Variants in OTUD7A observed in about 807,000 individuals in gnomAD.
OTUD7A encodes the protein OTU domain-containing protein 7A.
Under a neutral mutation model 65.7 loss-of-function variants are expected in OTUD7A, and 12 were observed. The ratio of observed to expected loss-of-function variants is 0.18; its 90% CI spans 0.12 to 0.30. OTUD7A has a LOEUF of 0.30. Among genes scored for constraint, OTUD7A ranks in the 10% least tolerant of loss-of-function variants. The probability of loss-of-function intolerance (pLI) is 1.00; values close to 1 mark genes in which losing one functional copy is unlikely to be tolerated. For synonymous variants in OTUD7A, 641 were observed against 586.3 expected (o/e 1.09, Z -1.35); for missense variants, 1,148 against 1,304.8 (o/e 0.88, Z 1.85).
chr15:31,802,381 C>A (rs34549533), intron 1 of OTUD7A, among the ~76,000 whole-genome samples: 90,121 of 151,692 alleles, frequency 0.59, 26,963 homozygotes, highest in East Asian at 0.69. Context: ...TCTAGCCACA[C>A]TGGCAGCTGA....
In OTUD7A at chr15:31,483,118, G is replaced by A. The variant is rs2041156470; in HGVS notation, c.*176C>T. On this transcript the variant is annotated 3_prime_UTR_variant, in exon 13 of 13. Coordinates refer to ENST00000307050, the MANE Select transcript of OTUD7A (RefSeq NM_001382637.1). ...CTTGTTTCCTATCCGTCTACTACCT[G>A]AGTGGCGTCAGTGTAGGTTCAGGCA... 1 of 476,202 alleles carries A rather than the reference G, an allele frequency of 2.1e-6. No individual in the cohort carries two copies. Among genetic ancestry groups the A allele is most frequent in the African/African-American group, 2.1e-5 (1 of 47,584 alleles). 29.5% of individuals were successfully genotyped at this position (476,202 alleles called of 1,614,324 possible). A position where few individuals can be genotyped will look rare whatever the true frequency, so the allele number is the denominator to read the frequency against.
chr15:31,683,700 C>T (rs2654121), intron 1 of OTUD7A, among the ~76,000 whole-genome samples: 8,800 of 151,784 alleles, frequency 0.058, 874 homozygotes, highest in African/African-American at 0.2. Context: ...ATTATTGTGG[C>T]CATTATTTAT....
intron 3 of OTUD7A, among the ~76,000 whole-genome samples, chr15:31,600,998 C>A (rs546185778): frequency 4.6e-5 from 7 of 152,296 alleles, no homozygotes; most frequent in Non-Finnish European, 8.8e-5. Flanking sequence ...CAGACTCCCA[C>A]ACAATAACAG....
At chr15:31,854,531 C>A (rs535092925) in intron 1 of OTUD7A, among the ~76,000 whole-genome samples, 11 of 152,292 alleles carry the variant, frequency 7.2e-5, no homozygotes, top group Admixed American at 2.0e-4. Context: ...TGATGTCAGG[C>A]AAAGTCCTGA....
rs563126011 is a variant in OTUD7A, at chr15:31,821,281, G to A, written c.-100+49226C>T. On this transcript the variant is annotated intron_variant, in intron 1 of 12. Transcript: ENST00000307050. ...CTCCCGAGTAGCTGGGACTACAGGC[G>A]TGTGCCACCACGCCCAGGTACCTTT... 5.4e-5 allele frequency among the ~76,000 whole-genome samples: 8 copies of A among 148,108 alleles called. No homozygotes were observed. In the East Asian group the frequency reaches 5.9e-4, roughly 11 times the overall value.
chr15:31,520,781 A>C (rs556469885), intron 8 of OTUD7A, among the ~76,000 whole-genome samples: 1 of 152,326 alleles, frequency 6.6e-6, no homozygotes, highest in South Asian at 2.1e-4. Context: ...CAATCCCACT[A>C]CTAGGTATAT....
At chr15:31,574,224 T>A (rs1889137901) in intron 3 of OTUD7A, among the ~76,000 whole-genome samples, 1 of 152,138 alleles carries the variant, frequency 6.6e-6, no homozygotes, top group Non-Finnish European at 1.5e-5. Context: ...CATAGTTTTT[T>A]AAAATATCAG....
intron 1 of OTUD7A, among the ~76,000 whole-genome samples, chr15:31,753,575 T>C (rs899349619): frequency 6.6e-6 from 1 of 151,178 alleles, no homozygotes; most frequent in Non-Finnish European, 1.5e-5. Flanking sequence ...CCTGAGTTAC[T>C]TCACTTAGAA....
At chr15:31,756,627 AACACACACACACAC>A (rs56792926) in intron 1 of OTUD7A, among the ~76,000 whole-genome samples, 10,469 of 138,370 alleles carry the variant, frequency 0.076, 635 homozygotes, top group East Asian at 0.35. Flanking sequence ...CAGTGTACCC[AACACACACACACAC>A]ACACACACAC....
At chr15:31,783,068 GAAAT>G (rs1895582455) in intron 1 of OTUD7A, among the ~76,000 whole-genome samples, 1 of 152,150 alleles carries the variant, frequency 6.6e-6, no homozygotes, top group Non-Finnish European at 1.5e-5. Context: ...GATAGAAAAG[GAAAT>G]ACCATAAACC....
At position 31,769,357 on chromosome 15, in the gene OTUD7A, G is replaced by C. The variant is rs546957700; in HGVS notation, c.-100+101150C>G. On this transcript the variant is annotated intron_variant, in intron 1 of 12. Coordinates refer to ENST00000307050, the MANE Select transcript of OTUD7A (RefSeq NM_001382637.1). ...CCAAATGTGTATGCACCTAACAACA[G>C]AGCTTCAAATTACATGAAGCAAAAA... Among the ~76,000 whole-genome samples, 14 of 152,290 alleles carry C rather than the reference G, an allele frequency of 9.2e-5. No homozygotes were observed. In the East Asian group the frequency reaches 2.1e-3, roughly 23 times the overall value.
intron 5 of OTUD7A, among the ~76,000 whole-genome samples, chr15:31,536,829 G>T (rs1887817566): frequency 6.6e-6 from 1 of 152,186 alleles, no homozygotes; most frequent in South Asian, 2.1e-4. Flanking sequence ...AGATACCAGA[G>T]ACTGGGAAGG....
intron 1 of OTUD7A, among the ~76,000 whole-genome samples, chr15:31,685,174 T>A (rs1892807419): frequency 1.3e-5 from 2 of 152,232 alleles, no homozygotes; most frequent in Admixed American, 1.3e-4. Flanking sequence ...CATTCACAAT[T>A]GGTTAAAATA....
chr15:31,720,142 A>G (rs1461694307), intron 1 of OTUD7A, among the ~76,000 whole-genome samples: 1 of 151,410 alleles, frequency 6.6e-6, no homozygotes, highest in Non-Finnish European at 1.5e-5. Flanking sequence ...TCCAAAGCAG[A>G]GAAAGAATCG....
At chr15:31,701,274 T>C (rs28844610) in intron 1 of OTUD7A, among the ~76,000 whole-genome samples, 3,243 of 151,382 alleles carry the variant, frequency 0.021, 114 homozygotes, top group African/African-American at 0.074. Context: ...GTTAATTCTC[T>C]GGTTTTGATA....
At chr15:31,696,459 T>C (rs1174201135) in intron 1 of OTUD7A, among the ~76,000 whole-genome samples, 1 of 120,988 alleles carries the variant, frequency 8.3e-6, no homozygotes, top group Non-Finnish European at 1.8e-5. Context: ...ACCATCTAGA[T>C]GATGCCTGTG....
chr15:31,656,913 G>A (rs1252644314), intron 2 of OTUD7A, 70 bp downstream of exon 2: 3 of 152,644 alleles, frequency 2.0e-5, no homozygotes, highest in African/African-American at 4.8e-5. Flanking sequence ...TGACCACCCC[G>A]TCTTGCACAC....
chr15:31,625,597 A>G (rs1890927595), intron 3 of OTUD7A, among the ~76,000 whole-genome samples: 1 of 152,208 alleles, frequency 6.6e-6, no homozygotes, highest in African/African-American at 2.4e-5. Context: ...TGTAATACTC[A>G]ACATACATCT....
intron 3 of OTUD7A, among the ~76,000 whole-genome samples, chr15:31,585,692 T>C (rs1443249319): frequency 6.6e-6 from 1 of 152,246 alleles, no homozygotes; most frequent in Non-Finnish European, 1.5e-5. Flanking sequence ...AACCTCCAGA[T>C]TCTTATGTGC....
Sources: allele counts gnomAD v4.1 joint callset (sites outside exome capture counted in the v4.1 genomes callset), GRCh38; gene constraint gnomAD v4.1.1; transcripts MANE v1.5; gene names NCBI Gene and HGNC (gene_info 2026-07-23, HGNC 2026-07-21).